Variants in ARHGAP17 observed in about 807,000 individuals in gnomAD.
ARHGAP17 encodes the protein rho GTPase-activating protein 17.
ARHGAP17 carries 57 observed loss-of-function variants against 99.5 expected under a neutral mutation model. That is an observed-to-expected ratio of 0.57 (90% CI 0.46 to 0.71). ARHGAP17 has a LOEUF of 0.71. Ranked by LOEUF, ARHGAP17 falls within the 30% of genes least tolerant of loss-of-function variation. The pLI is 0.00. For synonymous variants in ARHGAP17, 417 were observed against 429.6 expected (o/e 0.97, Z 0.36); for missense variants, 1,000 against 1,122.4 (o/e 0.89, Z 1.56).
rs768561975 is a variant in ARHGAP17, at chr16:24,939,404, C to T, written c.1684G>A (p.Ala562Thr). 1.9e-5 allele frequency: 30 copies of T among 1,610,506 alleles called. No individual in the cohort carries two copies. The East Asian group carries it at 4.0e-4, about 22-fold the overall frequency. ...SSGGGTVPSS[A>T]GILEQGPSPG... The stretch of plus-strand genomic sequence containing the variant: ...CTCGGCCCCTGCTCCAGTATGCCCG[C>T]GGAAGAGGGGACAGTCCCACCCCCA... Residue 562 changes from alanine to threonine, a missense_variant, in exon 17 of 20, where the codon GCG becomes ACG. This residue lies in a region of ARHGAP17 where 528 missense variants were observed against 511.4 expected (regional missense o/e 1.03). Transcript: ENST00000289968.
In ARHGAP17 at chr16:24,935,667, G is replaced by A. The variant is rs200451088; in HGVS notation, c.1725-28C>T. The A allele has an allele frequency of 4.0e-4, 640 of 1,609,024 alleles. 3 individuals are homozygous for A. The South Asian group carries it at 6.3e-3, about 16-fold the overall frequency. On this transcript the variant is annotated intron_variant, in intron 17 of 19. Coordinates refer to ENST00000289968, the MANE Select transcript of ARHGAP17 (RefSeq NM_001006634.3). ...AAGAGGAGTAAAAGTCAAGTTAGAC[G>A]TCAGACAATCCCAGCTAGAAAATCT...
At chr16:24,920,490 G>A (rs567589015) in intron 19 of ARHGAP17, 62 of 478,362 alleles carry the variant, frequency 1.3e-4, no homozygotes, top group African/African-American at 1.1e-3. Context: ...TGCTTGCTAT[G>A]AGCCCGGAGC....
At chr16:24,967,452 G>A (rs977298177) in intron 6 of ARHGAP17, among the ~76,000 whole-genome samples, 1 of 152,212 alleles carries the variant, frequency 6.6e-6, no homozygotes, top group African/African-American at 2.4e-5. Flanking sequence ...TGAGGCTGGT[G>A]GTGCCTGTTT....
intron 18 of ARHGAP17, among the ~76,000 whole-genome samples, chr16:24,932,488 G>C (rs535707674): frequency 6.6e-6 from 1 of 152,024 alleles, no homozygotes; most frequent in East Asian, 1.9e-4. Context: ...AGCCAGGAGG[G>C]ACCACCAAGC....
At chr16:24,951,521 G>A (rs192201340) in intron 12 of ARHGAP17, among the ~76,000 whole-genome samples, 11 of 152,094 alleles carry the variant, frequency 7.2e-5, no homozygotes, top group East Asian at 3.9e-4. Flanking sequence ...TGGAGATCTC[G>A]GACAATCTGA....
chr16:24,972,363 T>G (rs913846978), intron 3 of ARHGAP17, among the ~76,000 whole-genome samples: 1 of 152,234 alleles, frequency 6.6e-6, no homozygotes, highest in African/African-American at 2.4e-5. Flanking sequence ...ATTTACTCAT[T>G]TCCCCTCTCC....
Position 24,959,956 on chromosome 16 carries a change from G to T in ARHGAP17, c.597C>A (p.Tyr199Ter). The change falls in exon 8 of 20, where the codon TAC (tyrosine) becomes TAA (stop). Residue 199 changes from tyrosine (Y) to a stop codon, truncating the protein, a stop_gained. Coordinates refer to ENST00000289968, the MANE Select transcript of ARHGAP17 (RefSeq NM_001006634.3). LOFTEE classifies it high-confidence loss of function. ...ACTCCCCTTCTTTGGCCATAAAGTTGTACATGTCTGCTGCAAGTTGATCCT... is the reference window on the plus strand; with the variant it reads ...ACTCCCCTTCTTTGGCCATAAAGTTTTACATGTCTGCTGCAAGTTGATCCT... ...QCKDQLAADM[Y>*]NFMAKEGEYG... 1 of 1,613,982 alleles carries T rather than the reference G, an allele frequency of 6.2e-7. No individual in the cohort carries two copies. The highest frequency in any genetic ancestry group is 1.3e-5 in the African/African-American group (1 of 75,016).
intron 1 of ARHGAP17, among the ~76,000 whole-genome samples, chr16:24,999,638 C>T (rs1268264507): frequency 6.6e-6 from 1 of 152,060 alleles, no homozygotes; most frequent in Non-Finnish European, 1.5e-5. Flanking sequence ...TCAGGCTGGG[C>T]TCAAACTCCT....
At chr16:24,987,968 T>A (rs543387948) in intron 1 of ARHGAP17, among the ~76,000 whole-genome samples, 64 of 152,336 alleles carry the variant, frequency 4.2e-4, no homozygotes, top group African/African-American at 1.3e-3. Context: ...TGATTTGTAT[T>A]CACAGTGAAA....
chr16:24,969,465 G>A (rs1049286308), intron 4 of ARHGAP17, among the ~76,000 whole-genome samples: 2 of 152,140 alleles, frequency 1.3e-5, no homozygotes, highest in African/African-American at 4.8e-5. Context: ...CTGAATACAG[G>A]CTTTGCTCTT....
chr16:24,937,856 G>A (rs2051184780), intron 17 of ARHGAP17, among the ~76,000 whole-genome samples: 1 of 152,196 alleles, frequency 6.6e-6, no homozygotes. Flanking sequence ...GCCTGTCCTT[G>A]TTTTGTGCAC....
intron 1 of ARHGAP17, among the ~76,000 whole-genome samples, chr16:24,997,455 C>A (rs532969261): frequency 6.6e-6 from 1 of 152,250 alleles, no homozygotes; most frequent in Admixed American, 6.5e-5. Context: ...CACCCAGATG[C>A]GCATTCTCTA....
At chr16:24,948,708 T>C (rs1372347285) in intron 13 of ARHGAP17, among the ~76,000 whole-genome samples, 2 of 151,884 alleles carry the variant, frequency 1.3e-5, no homozygotes, top group Non-Finnish European at 2.9e-5. Flanking sequence ...ACAAGTAACA[T>C]TCCAGGCATA....
chr16:24,925,970 C>T (rs1037334569), intron 19 of ARHGAP17, among the ~76,000 whole-genome samples: 3 of 151,356 alleles, frequency 2.0e-5, no homozygotes, highest in South Asian at 2.1e-4. Flanking sequence ...ATTAGCTGGG[C>T]GTGGTGGTGG....
chr16:25,002,602 A>G lies in ARHGAP17; in HGVS notation c.53+12607T>C. On this transcript the variant is annotated intron_variant, in intron 1 of 19. Transcript: ENST00000289968. ...ACGATGGACTTCCACAGATGACGAC[A>G]GAAGCCAATCAACATCGCCTGGCTC... Among the ~76,000 whole-genome samples the G allele has an allele frequency of 1.3e-5, 2 of 152,250 alleles. 1 individual carries two copies. The highest frequency in any genetic ancestry group is 2.9e-5 in the Non-Finnish European group (2 of 68,042).
chr16:24,931,568 A>G (rs1482380434), intron 18 of ARHGAP17, among the ~76,000 whole-genome samples, 164 bp from the exon 19 acceptor site: 1 of 152,146 alleles, frequency 6.6e-6, no homozygotes, highest in Non-Finnish European at 1.5e-5. Flanking sequence ...TCCTCCCCAA[A>G]GCCCATAACC....
chr16:24,972,095 T>A (rs1193342789), intron 3 of ARHGAP17, among the ~76,000 whole-genome samples: 1 of 152,262 alleles, frequency 6.6e-6, no homozygotes, highest in Non-Finnish European at 1.5e-5. Context: ...ACCCCTGACA[T>A]GTCACTTGCC....
chr16:24,957,966 G>A (rs751155253), intron 9 of ARHGAP17, among the ~76,000 whole-genome samples: 22 of 152,182 alleles, frequency 1.4e-4, no homozygotes, highest in Non-Finnish European at 2.6e-4. Context: ...AGAGAAGACA[G>A]CAAGGAAAGA....
intron 19 of ARHGAP17, among the ~76,000 whole-genome samples, chr16:24,929,218 T>C (rs1182494284): frequency 4.0e-5 from 6 of 151,542 alleles, no homozygotes; most frequent in Non-Finnish European, 8.8e-5. Flanking sequence ...GACTGCAGTG[T>C]GCAGTGACAC....
Sources: gnomAD v4.1 joint callset for allele counts (sites outside exome capture counted in the v4.1 genomes callset) on GRCh38, gnomAD v4.1.1 for gene constraint, gnomAD v4.1.1 regional missense constraint, MANE v1.5 for transcripts, NCBI Gene and HGNC (gene_info 2026-07-23, HGNC 2026-07-21) for gene names.